Variants in PFDN2 observed in about 807,000 individuals in gnomAD.
PFDN2 encodes the protein prefoldin subunit 2.
In PFDN2, 7 loss-of-function variants were observed where a neutral mutation model predicts 18.3. The observed-to-expected ratio is 0.38, with a 90% CI of 0.22 to 0.72. The LOEUF (loss-of-function observed/expected upper bound fraction) is 0.72, where lower values mean the gene tolerates loss of function less well. Ranked by LOEUF, PFDN2 falls within the 30% of genes least tolerant of loss-of-function variation. The probability of loss-of-function intolerance (pLI) is 0.47; values close to 1 mark genes in which losing one functional copy is unlikely to be tolerated. For missense variants in PFDN2, 181 were observed against 199.1 expected, an observed-to-expected ratio of 0.91 and a Z score of 0.55; for synonymous variants, 76 against 75.0, an observed-to-expected ratio of 1.01 and a Z score of -0.07.
chr1:161,103,644 T>TACCACACTA (rs1654619984), intron 1 of PFDN2, among the ~76,000 whole-genome samples: 1 of 118,868 alleles, frequency 8.4e-6, no homozygotes, highest in African/African-American at 3.3e-5. Context: ...GAGATCACGC[T>TACCACACTA]ACCACACTAC....
intron 1 of PFDN2, among the ~76,000 whole-genome samples, chr1:161,115,791 A>C (rs1654902172): frequency 6.6e-6 from 1 of 152,202 alleles, no homozygotes; most frequent in Admixed American, 6.5e-5. Context: ...AGGTATGAGA[A>C]AAAACATAGA....
intron 1 of PFDN2, among the ~76,000 whole-genome samples, chr1:161,115,653 A>C (rs1462759942): frequency 6.6e-6 from 1 of 152,208 alleles, no homozygotes; most frequent in Non-Finnish European, 1.5e-5. Context: ...TCACATCATC[A>C]CAAGAAGGGT....
intron 1 of PFDN2, among the ~76,000 whole-genome samples, chr1:161,117,009 C>T (rs1654956988): frequency 6.6e-6 from 1 of 152,088 alleles, no homozygotes; most frequent in South Asian, 2.1e-4. Context: ...CCGAGGCGTG[C>T]GGATCATTAG....
chr1:161,100,890 G>A (rs1439812143), intron 3 of PFDN2, 31 bp from the exon 4 acceptor site: 25 of 1,558,160 alleles, frequency 1.6e-5, no homozygotes, highest in Non-Finnish European at 2.1e-5. Context: ...ATTATATAAG[G>A]AATTCAGGAC....
chr1:161,116,588 C>T lies in PFDN2; in HGVS notation c.75+1364G>A, dbSNP rs75575748. Among the ~76,000 whole-genome samples, 30 of 152,288 alleles carry T rather than the reference C, an allele frequency of 2.0e-4. No homozygotes were observed. The East Asian group carries it at 5.6e-3, about 28-fold the overall frequency. On this transcript the variant is annotated intron_variant, in intron 1 of 3. Coordinates refer to ENST00000368010, the MANE Select transcript of PFDN2 (RefSeq NM_012394.4). Reference sequence around the variant, plus strand: ...AAGTCAGAAACCATATTCCATAGCACTTTATACTTCTCTTAGGACACTTAT... The same window carrying T: ...AAGTCAGAAACCATATTCCATAGCATTTTATACTTCTCTTAGGACACTTAT...
chr1:161,102,138 T>A lies in PFDN2; in HGVS notation c.198A>T (p.Glu66Asp), dbSNP rs756337298. ...CAACCATGCGGTAGCACTTACGAGT[T>A]TCATCTACCTCCTTCAGTGTATCGA... ...LVIDTLKEVD[E>D]TRKCYRMVGG... The change falls in exon 3 of 4, where the codon GAA becomes GAT. Residue 66 changes from glutamate (E) to aspartate (D), a missense_variant. Physicochemically the swap from Glu to Asp is conservative, Grantham distance 45 (BLOSUM62 2). Coordinates refer to ENST00000368010, the MANE Select transcript of PFDN2 (RefSeq NM_012394.4). 6.2e-6 allele frequency: 10 copies of A among 1,614,182 alleles called. No individual in the cohort carries two copies. Among genetic ancestry groups the A allele is most frequent in the Non-Finnish European group, 8.5e-6 (10 of 1,179,996 alleles).
intron 1 of PFDN2, among the ~76,000 whole-genome samples, chr1:161,111,487 C>T (rs1240238151): frequency 1.3e-5 from 2 of 152,168 alleles, no homozygotes; most frequent in Non-Finnish European, 2.9e-5. Context: ...AATCCCTGGA[C>T]TATACCCACT....
intron 3 of PFDN2, among the ~76,000 whole-genome samples, chr1:161,101,524 A>G (rs1355596292): frequency 3.3e-5 from 5 of 152,096 alleles, no homozygotes; most frequent in Admixed American, 6.5e-5. Context: ...ATGTCACTTC[A>G]TGGCACTCCC....
intron 1 of PFDN2, among the ~76,000 whole-genome samples, chr1:161,102,950 C>A (rs1394776034): frequency 2.0e-5 from 3 of 149,658 alleles, no homozygotes; most frequent in African/African-American, 7.4e-5. Context: ...GAGCGAAACT[C>A]CGTCTCAAAA....
rs767508343 is a variant in PFDN2 at position 161,118,019 on chromosome 1, T to C, written c.8A>G (p.Glu3Gly). The change falls in exon 1 of 4, where the codon GAG (glutamate) becomes GGG (glycine). Residue 3 changes from glutamate to glycine, a missense_variant. By Grantham distance (98) the Glu-to-Gly change is moderately conservative. Transcript: ENST00000368010. ...GCTCTTGCCGGCGCGACCGCTGTTC[T>C]CCGCCATCTTCGCCGCCTGCTGGGT... is the stretch of plus-strand genomic sequence containing the variant. The part of the protein sequence containing the change: MA[E>G]NSGRAGKSSG... 1 of 1,611,532 alleles carries C rather than the reference T, an allele frequency of 6.2e-7. No homozygotes were observed.
At chr1:161,101,829 C>A (rs965583734) in intron 3 of PFDN2, among the ~76,000 whole-genome samples, 2 of 152,246 alleles carry the variant, frequency 1.3e-5, no homozygotes, top group African/African-American at 4.8e-5. Flanking sequence ...TCACAGCTCA[C>A]TGAAGCCTCG....
At chr1:161,109,748 C>T (rs1571186825) in intron 1 of PFDN2, among the ~76,000 whole-genome samples, 1 of 152,316 alleles carries the variant, frequency 6.6e-6, no homozygotes, top group South Asian at 2.1e-4. Flanking sequence ...AATCCCAACA[C>T]TTTGGGAGGC....
chr1:161,110,248 C>A (rs769451020), intron 1 of PFDN2, among the ~76,000 whole-genome samples: 2 of 144,734 alleles, frequency 1.4e-5, no homozygotes, highest in Non-Finnish European at 3.0e-5. Context: ...GTAGTCCCAG[C>A]TACTCGGGAG....
intron 1 of PFDN2, among the ~76,000 whole-genome samples, chr1:161,113,816 C>G (rs1654855750): frequency 6.6e-6 from 1 of 152,168 alleles, no homozygotes; most frequent in Non-Finnish European, 1.5e-5. Flanking sequence ...GTGTCTAACA[C>G]AATGTGTTAT....
At chr1:161,102,022 G>A (rs369588119) in intron 3 of PFDN2, 26 bp downstream of exon 3, 553 of 1,613,354 alleles carry the variant, frequency 3.4e-4, no homozygotes, top group Non-Finnish European at 3.9e-4. Context: ...CACTGTACCC[G>A]ATCCTATTCA....
chr1:161,102,486 G>A, intron 1 of PFDN2, 111 bp from the exon 2 acceptor site: 2 of 740,122 alleles, frequency 2.7e-6, no homozygotes, highest in Non-Finnish European at 4.6e-6. Context: ...CACCTACCTT[G>A]GAAAAGGAGT....
At chr1:161,106,266 G>A (rs1334394885) in intron 1 of PFDN2, among the ~76,000 whole-genome samples, 2 of 152,100 alleles carry the variant, frequency 1.3e-5, no homozygotes, top group Non-Finnish European at 2.9e-5. Flanking sequence ...ACAGCCTACA[G>A]AACCATGAGC....
intron 1 of PFDN2, among the ~76,000 whole-genome samples, 180 bp from the exon 2 acceptor site, chr1:161,102,555 C>T (rs563151496): frequency 1.3e-5 from 2 of 152,254 alleles, no homozygotes; most frequent in African/African-American, 4.8e-5. Flanking sequence ...TCACCAAACA[C>T]GGAGGGCTTA....
chr1:161,104,052 T>C (rs1654632184), intron 1 of PFDN2, among the ~76,000 whole-genome samples: 1 of 152,164 alleles, frequency 6.6e-6, no homozygotes, highest in South Asian at 2.1e-4. Flanking sequence ...CCTCAGTATT[T>C]TTAAAAAGAT....
Sources: gnomAD v4.1 joint callset for allele counts (sites outside exome capture counted in the v4.1 genomes callset) on GRCh38, gnomAD v4.1.1 for gene constraint, MANE v1.5 for transcripts, NCBI Gene and HGNC (gene_info 2026-07-23, HGNC 2026-07-21) for gene names.